The following SS18 variants were observed in gnomAD, a reference collection of about 807,000 sequenced individuals.
SS18 encodes the protein SS18 subunit of BAF chromatin remodeling complex.
Under a neutral mutation model 72.5 loss-of-function variants are expected in SS18, and 28 were observed. That is an observed-to-expected ratio of 0.39 (90% CI 0.29 to 0.53). The LOEUF (loss-of-function observed/expected upper bound fraction) is 0.53, where lower values mean the gene tolerates loss of function less well. SS18 is among the 20% of genes least tolerant of loss of function. The pLI, the probability that SS18 is intolerant of heterozygous loss-of-function variation, is 0.76. For missense variants in SS18, 518 were observed against 535.3 expected, an observed-to-expected ratio of 0.97 and a Z score of 0.32; for synonymous variants, 172 against 164.2, an observed-to-expected ratio of 1.05 and a Z score of -0.37.
intron 5 of SS18, among the ~76,000 whole-genome samples, chr18:26,046,119 G>T (rs1038120191): frequency 6.8e-6 from 1 of 147,040 alleles, no homozygotes; most frequent in Non-Finnish European, 1.5e-5. Context: ...TTGAACCTGG[G>T]AAGTGGAGGT....
At chr18:26,089,691 AGCAGCGACT>A (rs1240494721) in intron 1 of SS18, 1 of 152,258 alleles carries the variant, frequency 6.6e-6, no homozygotes, top group Non-Finnish European at 1.5e-5. Context: ...GCAGTAACAC[AGCAGCGACT>A]GCAGCAGCTC....
chr18:26,040,322 T>C (rs917636715), intron 5 of SS18, among the ~76,000 whole-genome samples: 1 of 152,282 alleles, frequency 6.6e-6, no homozygotes. Context: ...CATCTAACAA[T>C]GTTAAGCAGC....
intron 5 of SS18, among the ~76,000 whole-genome samples, chr18:26,051,362 T>C (rs749312578): frequency 6.6e-6 from 1 of 152,240 alleles, no homozygotes; most frequent in Non-Finnish European, 1.5e-5. Flanking sequence ...CTCAATACTT[T>C]TCTCCAAAAA....
At chr18:26,024,160 G>C (rs1463341225) in intron 10 of SS18, among the ~76,000 whole-genome samples, 1 of 152,174 alleles carries the variant, frequency 6.6e-6, no homozygotes, top group African/African-American at 2.4e-5. Context: ...GAGATAGAAA[G>C]TAAACTACTG....
intron 2 of SS18, chr18:26,085,946 C>T (rs1428862474): frequency 6.6e-6 from 1 of 151,918 alleles, no homozygotes; most frequent in Non-Finnish European, 1.5e-5. Context: ...CTAGGAAAGA[C>T]AGATGCATCC....
intron 3 of SS18, among the ~76,000 whole-genome samples, chr18:26,058,020 T>C (rs2054054782): frequency 6.6e-6 from 1 of 152,188 alleles, no homozygotes; most frequent in South Asian, 2.1e-4. Context: ...AATGTGTCTA[T>C]TATTATCTAA....
chr18:26,088,527 A>G (rs1462490728), intron 1 of SS18, among the ~76,000 whole-genome samples: 2 of 152,254 alleles, frequency 1.3e-5, no homozygotes, highest in East Asian at 1.9e-4. Flanking sequence ...GGAAAAACAT[A>G]CCGATTTATC....
intron 10 of SS18, 42 bp from the exon 11 acceptor site, chr18:26,018,422 C>T: frequency 7.3e-7 from 1 of 1,363,436 alleles, no homozygotes; most frequent in East Asian, 2.5e-5. Context: ...AATAGTTTGA[C>T]CATAACAGGC....
At chr18:26,066,271 G>A (rs1221393878) in intron 3 of SS18, among the ~76,000 whole-genome samples, 1 of 151,948 alleles carries the variant, frequency 6.6e-6, no homozygotes. Context: ...ATAAATATTT[G>A]TTGAATGAAA....
At chr18:26,088,883 G>GA (rs144938257) in intron 1 of SS18, among the ~76,000 whole-genome samples, 9,616 of 147,018 alleles carry the variant, frequency 0.065, 841 homozygotes, top group African/African-American at 0.2. Flanking sequence ...CTTACTGGGG[G>GA]AAAAAAAAAA....
Position 26,081,487 on chromosome 18 carries a change from A to G in SS18, c.147-3327T>C, listed in dbSNP as rs532579913. On this transcript the variant is annotated intron_variant, in intron 2 of 10. Coordinates refer to ENST00000415083, the MANE Select transcript of SS18 (RefSeq NM_001007559.3). ...ATTACAGGCGTGAGTCACCACACTC[A>G]GCCCAATTAAACATATTCTAAGATG... 4.6e-5 allele frequency: 7 copies of G among 152,294 alleles called. No individual in the cohort carries two copies. In the East Asian group the frequency reaches 7.7e-4, roughly 17 times the overall value. 9.4% of individuals were successfully genotyped at this position (152,294 alleles called of 1,614,324 possible). A position where few individuals can be genotyped will look rare whatever the true frequency, so the allele number is the denominator to read the frequency against.
At chr18:26,062,353 G>C (rs2054138375) in intron 3 of SS18, among the ~76,000 whole-genome samples, 3 of 152,164 alleles carry the variant, frequency 2.0e-5, no homozygotes, top group Admixed American at 2.0e-4. Flanking sequence ...TAGACAACCT[G>C]ATAAACTAAT....
intron 3 of SS18, among the ~76,000 whole-genome samples, chr18:26,066,917 T>G (rs140617473): frequency 6.6e-6 from 1 of 152,218 alleles, no homozygotes; most frequent in African/African-American, 2.4e-5. Context: ...CTGTTTCAAA[T>G]GTACTCTGAA....
chr18:26,057,833 A>G, intron 3 of SS18, 91 bp from the exon 4 acceptor site: 2 of 1,279,240 alleles, frequency 1.6e-6, no homozygotes, highest in Middle Eastern at 2.2e-4. Context: ...ACTAAATTGC[A>G]GTAAGAACAA....
intron 6 of SS18, 41 bp from the exon 7 acceptor site, chr18:26,038,700 T>C (rs1292468812): frequency 6.7e-7 from 1 of 1,488,934 alleles, no homozygotes; most frequent in Non-Finnish European, 9.4e-7. Flanking sequence ...TAATGTGTTC[T>C]CTATGTCATC....
Position 26,029,353 on chromosome 18 carries a change from T to C in SS18, c.1230+3046A>G, listed in dbSNP as rs140509618. Among the ~76,000 whole-genome samples the C allele has an allele frequency of 5.3e-5, 8 of 152,312 alleles. No individual in the cohort carries two copies. In the East Asian group the frequency reaches 1.5e-3, roughly 29 times the overall value. Reference sequence around the variant, plus strand: ...AGAGGTGACTAATGTCTTTAAAACATTACTCTGGGTCCCATGTGCAGAGTA... The same window carrying C: ...AGAGGTGACTAATGTCTTTAAAACACTACTCTGGGTCCCATGTGCAGAGTA... On this transcript the variant is annotated intron_variant, in intron 10 of 10. Transcript: ENST00000415083.
chr18:26,066,486 G>A (rs1368756965), intron 3 of SS18, among the ~76,000 whole-genome samples: 1 of 151,924 alleles, frequency 6.6e-6, no homozygotes, highest in Non-Finnish European at 1.5e-5. Context: ...CATCTTTCCA[G>A]TTGCCCTTCT....
At chr18:26,027,566 T>G (rs1306263581) in intron 10 of SS18, among the ~76,000 whole-genome samples, 1 of 148,660 alleles carries the variant, frequency 6.7e-6, no homozygotes, top group African/African-American at 2.5e-5. Context: ...TCGTTACTCA[T>G]GAGGCTAAGG....
At chr18:26,061,414 A>T (rs899703308) in intron 3 of SS18, among the ~76,000 whole-genome samples, 1 of 152,242 alleles carries the variant, frequency 6.6e-6, no homozygotes, top group African/African-American at 2.4e-5. Flanking sequence ...AGAAAAGGAA[A>T]ATATAATCAC....
Sources: gnomAD v4.1 joint callset for allele counts (sites outside exome capture counted in the v4.1 genomes callset) on GRCh38, gnomAD v4.1.1 for gene constraint, MANE v1.5 for transcripts, NCBI Gene and HGNC (gene_info 2026-07-23, HGNC 2026-07-21) for gene names.